Variants in MCF2L observed in about 807,000 individuals in gnomAD.
MCF2L encodes MCF.2 cell line derived transforming sequence like.
In MCF2L, 97 loss-of-function variants were observed where a neutral mutation model predicts 153.4. The ratio of observed to expected loss-of-function variants is 0.63; its 90% confidence interval spans 0.54 to 0.75. The LOEUF (loss-of-function observed/expected upper bound fraction) is 0.75. MCF2L is among the 30% of genes least tolerant of loss of function. MCF2L has a pLI of 0.00. For synonymous variants in MCF2L, 659 were observed against 632.2 expected (o/e 1.04, Z -0.64); for missense variants, 1,347 against 1,495.2 (o/e 0.90, Z 1.64).
At position 113,088,250 on chromosome 13, in the gene MCF2L, G is replaced by A. The variant is rs2034829206; in HGVS notation, c.2689-77G>A. 2.5e-6 allele frequency: 3 copies of A among 1,208,846 alleles called. No homozygotes were observed. The East Asian group carries it at 7.0e-5, about 28-fold the overall frequency. 74.9% of individuals were successfully genotyped at this position (1,208,846 alleles called of 1,614,324 possible). A position where few individuals can be genotyped will look rare whatever the true frequency, so the allele number is the denominator to read the frequency against. ...TTGACTCCTAAGATTATCTTTGGAT[G>A]TTCCGAGAGTGAAACCAAAGCGTGT... is the stretch of plus-strand genomic sequence containing the variant. On this transcript the variant is annotated intron_variant, in intron 23 of 29. Transcript: ENST00000535094.
At chr13:113,000,995 C>T (rs1198262054) in intron 1 of MCF2L, among the ~76,000 whole-genome samples, 1 of 103,524 alleles carries the variant, frequency 9.7e-6, no homozygotes, top group Non-Finnish European at 2.3e-5. Flanking sequence ...CCCCTTAGCT[C>T]CTTGGGATTT....
intron 2 of MCF2L, among the ~76,000 whole-genome samples, chr13:112,944,170 A>T (rs1385773722): frequency 2.3e-5 from 3 of 132,666 alleles, no homozygotes; most frequent in Non-Finnish European, 4.8e-5. Context: ...TGGACTATGA[A>T]GGGAGGCTCC....
intron 15 of MCF2L, among the ~76,000 whole-genome samples, chr13:113,080,350 G>A (rs1398235924): frequency 2.0e-5 from 3 of 152,164 alleles, no homozygotes; most frequent in Non-Finnish European, 2.9e-5. Context: ...GCAAGTGCTC[G>A]GCCCTGAGAC....
At position 112,907,619 on chromosome 13, in the gene MCF2L, G is replaced by C. The variant is rs1385011297; in HGVS notation, c.169+5248G>C. Among the ~76,000 whole-genome samples the C allele has an allele frequency of 1.3e-5, 2 of 152,170 alleles. No homozygotes were observed. Among genetic ancestry groups the C allele is most frequent in the Non-Finnish European group, 2.9e-5 (2 of 68,032 alleles). On this transcript the variant is annotated intron_variant, in intron 2 of 29. Coordinates refer to the MCF2L transcript ENST00000375608. This position sits in a 1 kb window ranked among gnomAD's most constrained non-coding sequence, Gnocchi z 5.1. ...CTCCTTCTGTGGTTGGGTGCTAGCT[G>C]TTGTATGCTGATGGACTGGTTTCTC... is the stretch of plus-strand genomic sequence containing the variant.
chr13:113,042,899 AC>A (rs2086591456), intron 3 of MCF2L: 2 of 152,214 alleles, frequency 1.3e-5, no homozygotes, highest in South Asian at 4.1e-4. Context: ...TTGTGGGCGA[AC>A]CCAGAGGCTG....
chr13:113,034,385 C>A (rs1195910065), intron 3 of MCF2L, among the ~76,000 whole-genome samples: 3 of 152,212 alleles, frequency 2.0e-5, no homozygotes, highest in Non-Finnish European at 4.4e-5. Context: ...GATCCACCTG[C>A]CTCAGCTTCC....
intron 1 of MCF2L, chr13:113,001,629 C>G: frequency 8.0e-7 from 1 of 1,248,954 alleles, no homozygotes. Flanking sequence ...CCTGAAGCCT[C>G]CCTGGCCGGG....
In MCF2L at chr13:112,960,211, T is replaced by TGCATCTGGTGAGGGCCC. The variant is rs1370224156; in HGVS notation, c.170-54551_170-54535dup. ...GCTTGGAAGCCCAAGATTGAGGGGCTGCATCTGGTGAGGGCCCCTGAGCTG... is the reference window on the plus strand; with the variant it reads ...GCTTGGAAGCCCAAGATTGAGGGGCTGCATCTGGTGAGGGCCCGCATCTGGTGAGGGCCCCTGAGCTG... On this transcript the variant is annotated intron_variant, in intron 2 of 29. Transcript: ENST00000375608. This position sits in a 1 kb window ranked among gnomAD's most constrained non-coding sequence, Gnocchi z 4.2. Among the ~76,000 whole-genome samples, 1 of 152,210 alleles carries TGCATCTGGTGAGGGCCC rather than the reference T, an allele frequency of 6.6e-6. No homozygotes were observed. The highest frequency in any genetic ancestry group is 1.5e-5 in the Non-Finnish European group (1 of 68,020).
rs776424496 is a variant in MCF2L at position 113,074,414 on chromosome 13, C to A, written c.997-30C>A. On this transcript the variant is annotated intron_variant, in intron 9 of 29. Coordinates refer to ENST00000535094, the MANE Select transcript of MCF2L (RefSeq NM_001112732.3). This position sits in a 1 kb window ranked among gnomAD's most constrained non-coding sequence, Gnocchi z 4.2. ...CTCTCTGTTCAGGTGAGGGAGACAC[C>A]CCCCTGAGATGGGCCCTCCTCTGTT... The A allele has an allele frequency of 1.9e-6, 3 of 1,602,132 alleles. No individual in the cohort carries two copies. Among genetic ancestry groups the A allele is most frequent in the East Asian group, 4.5e-5 (2 of 44,526 alleles).
At chr13:113,083,514 A>C (rs1183384827) in intron 17 of MCF2L, among the ~76,000 whole-genome samples, 1 of 152,126 alleles carries the variant, frequency 6.6e-6, no homozygotes, top group Non-Finnish European at 1.5e-5. Flanking sequence ...TCATGCCCCA[A>C]ATCCATCCCC....
chr13:113,013,134 C>G (rs947655496), intron 1 of MCF2L, among the ~76,000 whole-genome samples: 2 of 152,190 alleles, frequency 1.3e-5, no homozygotes, highest in Non-Finnish European at 2.9e-5. Context: ...ACTGCGCAGT[C>G]TAGGCTGCCG....
chr13:112,984,150 A>G (rs1250919357), intron 1 of MCF2L, among the ~76,000 whole-genome samples: 1 of 151,958 alleles, frequency 6.6e-6, no homozygotes, highest in Non-Finnish European at 1.5e-5. Flanking sequence ...CCCAGGGTCC[A>G]CCTGTGCTGC....
intron 3 of MCF2L, among the ~76,000 whole-genome samples, chr13:113,033,485 G>A (rs1206976223): frequency 6.6e-6 from 1 of 151,120 alleles, no homozygotes; most frequent in Non-Finnish European, 1.5e-5. Context: ...GACCCCGTGT[G>A]CTCACTTGGG....
intron 2 of MCF2L, among the ~76,000 whole-genome samples, chr13:113,017,384 C>G (rs1202471244): frequency 6.6e-6 from 1 of 152,226 alleles, no homozygotes. Context: ...CTCACCTGTA[C>G]GTCGGTGTCT....
At chr13:112,997,386 T>G (rs1407269856) in intron 1 of MCF2L, among the ~76,000 whole-genome samples, 1 of 152,192 alleles carries the variant, frequency 6.6e-6, no homozygotes, top group Non-Finnish European at 1.5e-5. Context: ...AGGCAGCTCC[T>G]GCAGACACCT....
chr13:113,075,281 G>A (rs1239654458), intron 11 of MCF2L, 92 bp downstream of exon 11: 2 of 1,218,006 alleles, frequency 1.6e-6, no homozygotes, highest in Admixed American at 5.2e-5. Context: ...TTGTCGTGGG[G>A]AGGGCAGCTC....
At chr13:112,922,892 A>C (rs1369558113) in intron 2 of MCF2L, among the ~76,000 whole-genome samples, 1 of 152,260 alleles carries the variant, frequency 6.6e-6, no homozygotes, top group African/African-American at 2.4e-5. Context: ...AGGAATGCAA[A>C]GATGGTTAAC....
intron 17 of MCF2L, among the ~76,000 whole-genome samples, chr13:113,083,654 C>T (rs371456148): frequency 3.0e-4 from 45 of 152,350 alleles, no homozygotes; most frequent in African/African-American, 1.0e-3. Context: ...CACAGACCCA[C>T]GGCCAGTTAT....
intron 2 of MCF2L, among the ~76,000 whole-genome samples, chr13:112,954,329 C>T (rs1368112057): frequency 6.6e-6 from 1 of 152,140 alleles, no homozygotes; most frequent in Non-Finnish European, 1.5e-5. Flanking sequence ...TCCAGGACAC[C>T]TCCTGGGGCT....
Sources: gnomAD v4.1 joint callset for allele counts (sites outside exome capture counted in the v4.1 genomes callset) on GRCh38, gnomAD v4.1.1 for gene constraint, Gnocchi (gnomAD v3.1) non-coding constraint, MANE v1.5 for transcripts, NCBI Gene and HGNC (gene_info 2026-07-23, HGNC 2026-07-21) for gene names.